The following ABCA4 variants were observed in gnomAD, a reference collection of about 807,000 sequenced individuals.
ABCA4 encodes retinal-specific phospholipid-transporting ATPase ABCA4.
A neutral mutation model predicts 263.7 loss-of-function variants in ABCA4; 196 were observed. The ratio of observed to expected loss-of-function variants is 0.74; its 90% CI spans 0.66 to 0.84. The LOEUF is 0.84. Ranked by LOEUF, ABCA4 falls within the 40% of genes least tolerant of loss-of-function variation. The pLI is 0.00. For missense variants in ABCA4, 2,792 were observed against 2,855.1 expected (o/e 0.98, Z 0.50); for synonymous variants, 1,133 against 1,094.2 (o/e 1.04, Z -0.70).
At position 93,996,780 on chromosome 1, in the gene ABCA4, G is replaced by A. The variant is rs118029085; in HGVS notation, c.6730-585C>T. Among the ~76,000 whole-genome samples the A allele has an allele frequency of 5.1e-4, 77 of 152,238 alleles. 1 individual carries two copies. The East Asian group carries it at 8.3e-3, about 16-fold the overall frequency. The stretch of plus-strand genomic sequence containing the variant: ...GATGAACAAAATGTAGCACATATAC[G>A]TACAAAGGAATATTATTCGGCCTGA... On this transcript the variant is annotated intron_variant, in intron 48 of 49. Coordinates refer to ENST00000370225, the MANE Select transcript of ABCA4 (RefSeq NM_000350.3).
At chr1:94,054,501 G>A (rs1660919372) in intron 16 of ABCA4, among the ~76,000 whole-genome samples, 2 of 152,180 alleles carry the variant, frequency 1.3e-5, no homozygotes, top group South Asian at 4.1e-4. Context: ...AAGTAAGGAA[G>A]CAAGCCTGCA....
rs371383303 is a variant in ABCA4 at position 94,096,932 on chromosome 1, G to A, written c.768+1862C>T. 3.2e-4 allele frequency among the ~76,000 whole-genome samples: 48 copies of A among 152,276 alleles called. 1 individual carries two copies. The highest frequency in any genetic ancestry group is 7.2e-4 in the Admixed American group (11 of 15,298). ...ATTCTGCCCATTCTACAAAGCATGC[G>A]GGCCCTGGACACCTGAGAGGGAGCC... On this transcript the variant is annotated intron_variant, in intron 6 of 49. Transcript: ENST00000370225.
At chr1:94,043,785 A>G (rs898064201) in intron 20 of ABCA4, among the ~76,000 whole-genome samples, 10 of 152,106 alleles carry the variant, frequency 6.6e-5, no homozygotes, top group Non-Finnish European at 1.5e-4. Flanking sequence ...TTTTTGAAAA[A>G]AAAGTCAGGT....
At chr1:94,105,104 G>A (rs1198827763) in intron 4 of ABCA4, among the ~76,000 whole-genome samples, 2 of 152,168 alleles carry the variant, frequency 1.3e-5, no homozygotes, top group Non-Finnish European at 2.9e-5. Flanking sequence ...ATTGTACCTA[G>A]CAATGCTGGG....
chr1:94,112,266 T>C (rs1170284627), intron 2 of ABCA4, among the ~76,000 whole-genome samples: 4 of 152,226 alleles, frequency 2.6e-5, no homozygotes, highest in African/African-American at 9.6e-5. Flanking sequence ...AAAATTTTTC[T>C]TCAGTACGAT....
rs1190228533 is a variant in ABCA4 at position 94,040,093 on chromosome 1, G to A, written c.3557C>T (p.Thr1186Ile). Residue 1186 changes from threonine to isoleucine, a missense_variant, in exon 24 of 50, where the codon ACC becomes ATC. Coordinates refer to ENST00000370225, the MANE Select transcript of ABCA4 (RefSeq NM_000350.3). ...TCSCSSKGFSTTCPAHVDDLT... is the reference protein window; with the variant it reads ...TCSCSSKGFSITCPAHVDDLT... ...GTCATCGACGTGGGCTGGACACGTG[G>A]TGGAGAAACCCTTAGACGAGCAGCT... 1 of 1,610,460 alleles carries A rather than the reference G, an allele frequency of 6.2e-7. No individual in the cohort carries two copies. The highest frequency in any genetic ancestry group is 1.7e-5 in the Admixed American group (1 of 59,688).
At chr1:94,040,729 A>G (rs1660463574) in intron 23 of ABCA4, among the ~76,000 whole-genome samples, 1 of 152,214 alleles carries the variant, frequency 6.6e-6, no homozygotes, top group African/African-American at 2.4e-5. Context: ...GCACAGACAT[A>G]AAACTGGGTC....
chr1:94,028,888 C>CAG (rs573630608), intron 30 of ABCA4, among the ~76,000 whole-genome samples: 1 of 106,858 alleles, frequency 9.4e-6, no homozygotes, highest in Admixed American at 1.5e-4. Context: ...ACCTGGGTGA[C>CAG]AGAGAGAGAC....
intron 36 of ABCA4, among the ~76,000 whole-genome samples, chr1:94,016,960 G>A (rs1659763962): frequency 6.6e-6 from 1 of 152,052 alleles, no homozygotes. Flanking sequence ...GAGGTCCAGG[G>A]GCATGAGGAC....
At position 94,001,868 on chromosome 1, in the gene ABCA4, A is replaced by C; in HGVS notation, c.6272T>G (p.Leu2091Arg). Residue 2091 changes from leucine to arginine, a missense_variant, in exon 45 of 50, where the codon CTG becomes CGG. By Grantham distance (102) the Leu-to-Arg change is moderately radical. Coordinates refer to ENST00000370225, the MANE Select transcript of ABCA4 (RefSeq NM_000350.3). Reference protein sequence around the residue: ...TAIALIGCPPLVLLDEPTTGM... With the variant: ...TAIALIGCPPRVLLDEPTTGM... The stretch of plus-strand genomic sequence containing the variant: ...CAAGCCCGCAGTTACCAGCAGCACC[A>C]GCGGTGGGCAGCCAATGAGTGCGAT... The C allele has an allele frequency of 6.2e-7, 1 of 1,614,254 alleles. No homozygotes were observed. The highest frequency in any genetic ancestry group is 8.5e-7 in the Non-Finnish European group (1 of 1,180,040).
chr1:94,113,859 A>G (rs1428647265), intron 1 of ABCA4, among the ~76,000 whole-genome samples: 1 of 152,258 alleles, frequency 6.6e-6, no homozygotes, highest in Admixed American at 6.5e-5. Flanking sequence ...TTGGAGCTTA[A>G]GGACTCTTGA....
intron 8 of ABCA4, 87 bp downstream of exon 8, chr1:94,080,391 C>A (rs1294426708): frequency 8.9e-6 from 14 of 1,572,446 alleles, no homozygotes; most frequent in Non-Finnish European, 1.2e-5. Context: ...CAGATGCAAC[C>A]CCAGGTTTGG....
chr1:94,044,792 T>C (rs754489235), intron 19 of ABCA4, 48 bp from the exon 20 acceptor site: 14 of 1,613,930 alleles, frequency 8.7e-6, no homozygotes, highest in Admixed American at 1.7e-5. Flanking sequence ...TTTAGCAACA[T>C]GCCTTAGGAG....
At chr1:93,999,587 C>T (rs1659118251) in intron 47 of ABCA4, among the ~76,000 whole-genome samples, 1 of 152,192 alleles carries the variant, frequency 6.6e-6, no homozygotes, top group Admixed American at 6.5e-5. Flanking sequence ...GATGGTCCAC[C>T]AGAGAGTGTG....
Position 94,040,090 on chromosome 1 carries a change from G to A in ABCA4, c.3560C>T (p.Thr1187Met), listed in dbSNP as rs1266156413. The change falls in exon 24 of 50, where the codon ACG (threonine) becomes ATG (methionine). Residue 1187 changes from threonine (T) to methionine (M), a missense_variant. Transcript: ENST00000370225. ...TAGGTCATCGACGTGGGCTGGACACGTGGTGGAGAAACCCTTAGACGAGCA... is the reference window on the plus strand; with the variant it reads ...TAGGTCATCGACGTGGGCTGGACACATGGTGGAGAAACCCTTAGACGAGCA... ...CSCSSKGFST[T>M]CPAHVDDLTP... 4.3e-6 allele frequency: 7 copies of A among 1,610,264 alleles called. No individual in the cohort carries two copies. The highest frequency in any genetic ancestry group is 5.9e-6 in the Non-Finnish European group (7 of 1,178,272).
At chr1:94,066,522 T>C (rs1661271476) in intron 11 of ABCA4, among the ~76,000 whole-genome samples, 1 of 152,264 alleles carries the variant, frequency 6.6e-6, no homozygotes, top group African/African-American at 2.4e-5. Flanking sequence ...ACACATAGAA[T>C]GTTCTACCAG....
rs201657029 is a variant in ABCA4, at chr1:94,019,598, T to C, written c.5180A>G (p.Asn1727Ser). 20 of 1,608,168 alleles carry C rather than the reference T, an allele frequency of 1.2e-5. No homozygotes were observed. Among genetic ancestry groups the C allele is most frequent in the Non-Finnish European group, 5.9e-6 (7 of 1,177,084 alleles). ...GACACTTACGATGTCCCAGAGGAAG[T>C]TGGTCACCCAGTAGGTGGTGGGGCT... ...GVSPTTYWVTNFLWDIMNYSV... is the reference protein window; with the variant it reads ...GVSPTTYWVTSFLWDIMNYSV... Residue 1727 changes from asparagine (N) to serine (S), a missense_variant, in exon 36 of 50, where the codon AAC becomes AGC. Asn to Ser is a conservative substitution (Grantham distance 46, BLOSUM62 1). Transcript: ENST00000370225.
At chr1:93,999,490 C>T (rs1334767792) in intron 47 of ABCA4, among the ~76,000 whole-genome samples, 1 of 152,196 alleles carries the variant, frequency 6.6e-6, no homozygotes, top group Non-Finnish European at 1.5e-5. Context: ...AGGAAGCTTC[C>T]TGAAACAATG....
chr1:94,081,587 T>C (rs1661703752), intron 7 of ABCA4, among the ~76,000 whole-genome samples: 1 of 152,236 alleles, frequency 6.6e-6, no homozygotes, highest in Non-Finnish European at 1.5e-5. Flanking sequence ...GTTTGTGGTT[T>C]TCTCGTGTGT....
Sources: gnomAD v4.1 joint callset for allele counts (sites outside exome capture counted in the v4.1 genomes callset) on GRCh38, gnomAD v4.1.1 for gene constraint, MANE v1.5 for transcripts, NCBI Gene and HGNC (gene_info 2026-07-23, HGNC 2026-07-21) for gene names.